The following ANO4 variants were observed in gnomAD, a reference collection of about 807,000 sequenced individuals.
The protein encoded by ANO4 is anoctamin 4, also known as anoctamin-4.
A neutral mutation model predicts 141.9 loss-of-function variants in ANO4; 69 were observed. That is an observed-to-expected ratio of 0.49 (90% CI 0.40 to 0.59). The LOEUF is 0.59. Among genes scored for constraint, ANO4 ranks in the 20% least tolerant of loss-of-function variants. The pLI is 0.00. For missense variants in ANO4, 894 were observed against 1,162.2 expected, an observed-to-expected ratio of 0.77 and a Z score of 3.36; for synonymous variants, 350 against 394.3, an observed-to-expected ratio of 0.89 and a Z score of 1.33.
chr12:101,085,715 A>T (rs886497011), intron 16 of ANO4, among the ~76,000 whole-genome samples: 1 of 152,160 alleles, frequency 6.6e-6, no homozygotes, highest in Non-Finnish European at 1.5e-5. Context: ...TCAGGGAAAC[A>T]TGCTTCAGTC....
chr12:100,788,670 G>A (rs1253877659), intron 3 of ANO4, among the ~76,000 whole-genome samples: 2 of 152,170 alleles, frequency 1.3e-5, no homozygotes, highest in African/African-American at 4.8e-5. Flanking sequence ...TGGTCACGCT[G>A]TAAATATTCA....
At chr12:100,896,000 G>A (rs544799200) in intron 1 of ANO4, among the ~76,000 whole-genome samples, 14 of 152,206 alleles carry the variant, frequency 9.2e-5, no homozygotes, top group African/African-American at 3.1e-4. Context: ...GGCATGACAT[G>A]GGGAGCTGAT....
chr12:101,075,989 T>C (rs1470670708), intron 14 of ANO4, among the ~76,000 whole-genome samples: 2 of 152,114 alleles, frequency 1.3e-5, no homozygotes, highest in African/African-American at 4.8e-5. Context: ...CTTCCTCAAA[T>C]GAATGGGCAT....
chr12:100,953,922 A>G (rs2043075702), intron 5 of ANO4, among the ~76,000 whole-genome samples: 1 of 152,142 alleles, frequency 6.6e-6, no homozygotes, highest in Non-Finnish European at 1.5e-5. Flanking sequence ...TGGCTGTGGG[A>G]TAGAGGTAAA....
At chr12:100,854,547 T>G (rs1362355795) in intron 1 of ANO4, among the ~76,000 whole-genome samples, 1 of 152,148 alleles carries the variant, frequency 6.6e-6, no homozygotes, top group Non-Finnish European at 1.5e-5. Flanking sequence ...TATTTTTTAT[T>G]TCTTCATTTC....
intron 18 of ANO4, 38 bp from the exon 19 acceptor site, chr12:101,096,498 A>G (rs746199984): frequency 6.6e-7 from 1 of 1,506,008 alleles, no homozygotes; most frequent in Non-Finnish European, 9.2e-7. Context: ...AGGGGATGAG[A>G]TTCAGCCTTT....
chr12:101,066,634 A>C, intron 14 of ANO4: 1 of 546,536 alleles, frequency 1.8e-6, no homozygotes, highest in Non-Finnish European at 3.3e-6. Context: ...CTGCTGGGAG[A>C]GTATCCATGG....
At chr12:100,749,868 C>T (rs371591851) in intron 3 of ANO4, among the ~76,000 whole-genome samples, 2 of 152,152 alleles carry the variant, frequency 1.3e-5, no homozygotes, top group African/African-American at 4.8e-5. Context: ...TTAAAAATAT[C>T]GTCCAAAAGG....
At chr12:100,845,150 G>A (rs2135825981) in intron 1 of ANO4, among the ~76,000 whole-genome samples, 1 of 152,264 alleles carries the variant, frequency 6.6e-6, no homozygotes, top group Admixed American at 6.5e-5. Flanking sequence ...TGTTTTGAGT[G>A]GGGTGTAGGT....
intron 22 of ANO4, among the ~76,000 whole-genome samples, chr12:101,101,944 C>G (rs776669016): frequency 1.3e-5 from 2 of 151,966 alleles, no homozygotes; most frequent in Admixed American, 1.3e-4. Context: ...ATTAGCTGGG[C>G]GCAGTGGCAG....
At chr12:100,891,023 A>G (rs1487945390) in intron 1 of ANO4, among the ~76,000 whole-genome samples, 2 of 152,160 alleles carry the variant, frequency 1.3e-5, no homozygotes, top group Non-Finnish European at 2.9e-5. Flanking sequence ...CTAGAATGCC[A>G]TGTAGTTGGA....
intron 15 of ANO4, 127 bp downstream of exon 15, chr12:101,079,402 C>G: frequency 1.3e-6 from 1 of 748,236 alleles, no homozygotes; most frequent in East Asian, 2.8e-5. Context: ...TTTTCAATTG[C>G]CTTTTCAGAA....
chr12:100,829,739 T>C (rs191389523), intron 1 of ANO4, among the ~76,000 whole-genome samples: 31 of 152,188 alleles, frequency 2.0e-4, no homozygotes, highest in Admixed American at 3.3e-4. Flanking sequence ...ATGGGCAAAA[T>C]CAGTTAAAAT....
chr12:100,881,287 TAATAA>T lies in ANO4; in HGVS notation c.-140-20346_-140-20342del, dbSNP rs550838979. 3.5e-3 allele frequency among the ~76,000 whole-genome samples: 523 copies of T among 150,508 alleles called. 2 individuals carry two copies. Among genetic ancestry groups the T allele is most frequent in the East Asian group, 0.018 (94 of 5,118 alleles). ...TACCCTAAAACTTAAAGTATAATAATAATAAAATAAAATAAAAAAAGAAGAAAGGC... is the reference window on the plus strand; with the variant it reads ...TACCCTAAAACTTAAAGTATAATAATAATAAAATAAAAAAAGAAGAAAGGC... On this transcript the variant is annotated intron_variant, in intron 1 of 27. Transcript: ENST00000392977.
chr12:100,736,499 CTT>C (rs1453809932), intron 2 of ANO4, among the ~76,000 whole-genome samples: 3 of 152,114 alleles, frequency 2.0e-5, no homozygotes, highest in Non-Finnish European at 4.4e-5. Context: ...GGATGACACT[CTT>C]GTTACCTGAC....
intron 9 of ANO4, among the ~76,000 whole-genome samples, chr12:101,026,325 G>A (rs570885095): frequency 6.6e-6 from 1 of 152,216 alleles, no homozygotes; most frequent in Non-Finnish European, 1.5e-5. Flanking sequence ...TCAAACAAAA[G>A]ATACTTAAGA....
chr12:100,810,197 C>T (rs1400941713), intron 1 of ANO4, among the ~76,000 whole-genome samples: 1 of 151,240 alleles, frequency 6.6e-6, no homozygotes, highest in Non-Finnish European at 1.5e-5. Flanking sequence ...GATGTTTGAT[C>T]AGGACATGAG....
chr12:100,934,069 T>A (rs2042192658), intron 3 of ANO4, among the ~76,000 whole-genome samples: 1 of 152,228 alleles, frequency 6.6e-6, no homozygotes, highest in African/African-American at 2.4e-5. Context: ...CTGATGGTAG[T>A]TTCTTTTGCC....
rs1234221470 is a variant in ANO4, at chr12:100,929,757, A to T, written c.160+7427A>T. On this transcript the variant is annotated intron_variant, in intron 3 of 27. Transcript: ENST00000392977. ...AGTGTATGAGGGTTCCCTCTTCTCC[A>T]CATCCTTGCCAGCAGTTGTTATTGC... Among the ~76,000 whole-genome samples, 3 of 152,212 alleles carry T rather than the reference A, an allele frequency of 2.0e-5. No individual in the cohort carries two copies. In the East Asian group the frequency reaches 5.8e-4, roughly 29 times the overall value.
Sources: allele counts gnomAD v4.1 joint callset (sites outside exome capture counted in the v4.1 genomes callset), GRCh38; gene constraint gnomAD v4.1.1; transcripts MANE v1.5; gene names NCBI Gene and HGNC (gene_info 2026-07-23, HGNC 2026-07-21).